ADAMTS20: variants seen among roughly 807,000 people sequenced by gnomAD.
ADAMTS20 encodes the protein ADAM metallopeptidase with thrombospondin type 1 motif 20, also known as A disintegrin and metalloproteinase with thrombospondin motifs 20.
In ADAMTS20, 225 loss-of-function variants were observed where a neutral mutation model predicts 260.1. The observed-to-expected ratio is 0.87, with a 90% CI of 0.78 to 0.97. The LOEUF (loss-of-function observed/expected upper bound fraction) is 0.97, where lower values mean the gene tolerates loss of function less well. Among genes scored for constraint, ADAMTS20 ranks in the 50% least tolerant of loss-of-function variants. ADAMTS20 has a pLI of 0.00. For missense variants in ADAMTS20, 2,400 were observed against 2,337.7 expected (o/e 1.03, Z -0.55); for synonymous variants, 802 against 769.5 (o/e 1.04, Z -0.70).
intron 2 of ADAMTS20, among the ~76,000 whole-genome samples, chr12:43,538,220 T>A (rs1344535029): frequency 1.3e-5 from 2 of 152,068 alleles, no homozygotes; most frequent in African/African-American, 2.4e-5. Flanking sequence ...TTCACTGGGG[T>A]GAGATGATAT....
chr12:43,521,327 T>C (rs1943069013), intron 3 of ADAMTS20, among the ~76,000 whole-genome samples: 1 of 152,208 alleles, frequency 6.6e-6, no homozygotes, highest in South Asian at 2.1e-4. Context: ...GATTAAATTA[T>C]TACATTTAAA....
At chr12:43,496,852 CAT>C (rs1362435150) in intron 4 of ADAMTS20, among the ~76,000 whole-genome samples, 4 of 152,098 alleles carry the variant, frequency 2.6e-5, no homozygotes, top group Non-Finnish European at 5.9e-5. Context: ...CACACACACA[CAT>C]ACACATATTA....
chr12:43,468,146 C>A (rs1484063374), intron 8 of ADAMTS20, among the ~76,000 whole-genome samples: 1 of 152,088 alleles, frequency 6.6e-6, no homozygotes, highest in Admixed American at 6.6e-5. Flanking sequence ...TAAAAAAAAT[C>A]TTTTAGTAAC....
chr12:43,354,180 T>C lies in ADAMTS20; in HGVS notation c.*29A>G. The C allele has an allele frequency of 6.8e-7, 1 of 1,478,616 alleles. No homozygotes were observed. Among genetic ancestry groups the C allele is most frequent in the South Asian group, 1.2e-5 (1 of 82,112 alleles). The allele number at this position is 1,478,616 out of a possible 1,614,324, so 91.6% of individuals were successfully genotyped here. On this transcript the variant is annotated 3_prime_UTR_variant, in exon 39 of 39. Coordinates refer to ENST00000389420, the MANE Select transcript of ADAMTS20 (RefSeq NM_025003.5). ...TGAATATTCCAGAGAATATCCCCTC[T>C]TTAGGGCATACTTCCCCCTTCTAAA...
chr12:43,379,085 G>A (rs1330579709), intron 31 of ADAMTS20, among the ~76,000 whole-genome samples: 1 of 152,122 alleles, frequency 6.6e-6, no homozygotes, highest in Non-Finnish European at 1.5e-5. Flanking sequence ...AGCAGAACAG[G>A]CTTGGATATC....
At chr12:43,502,590 T>C (rs1942784827) in intron 3 of ADAMTS20, among the ~76,000 whole-genome samples, 185 bp from the exon 4 acceptor site, 1 of 152,182 alleles carries the variant, frequency 6.6e-6, no homozygotes, top group Non-Finnish European at 1.5e-5. Flanking sequence ...GATTGCTTTT[T>C]ATAGTAATAA....
intron 31 of ADAMTS20, among the ~76,000 whole-genome samples, chr12:43,380,888 T>C (rs1027974608): frequency 2.6e-5 from 4 of 152,114 alleles, no homozygotes; most frequent in South Asian, 2.1e-4. Flanking sequence ...AAACTGGTCC[T>C]AAAATTCACA....
intron 3 of ADAMTS20, among the ~76,000 whole-genome samples, chr12:43,516,654 A>C (rs1169752783): frequency 6.6e-6 from 1 of 152,130 alleles, no homozygotes; most frequent in Non-Finnish European, 1.5e-5. Flanking sequence ...GTCCTTACAG[A>C]GCTTATATCG....
At chr12:43,530,323 A>C (rs1373456962) in intron 3 of ADAMTS20, among the ~76,000 whole-genome samples, 3 of 152,160 alleles carry the variant, frequency 2.0e-5, no homozygotes, top group South Asian at 2.1e-4. Context: ...GCTGCTCTTG[A>C]ATAGTAGATC....
intron 5 of ADAMTS20, 147 bp downstream of exon 5, chr12:43,493,023 C>T (rs1942626929): frequency 4.7e-6 from 3 of 644,436 alleles, no homozygotes; most frequent in Non-Finnish European, 5.3e-6. Context: ...TCCATCACAA[C>T]AAATAAGGGT....
intron 36 of ADAMTS20, among the ~76,000 whole-genome samples, chr12:43,372,305 A>G (rs1565668982): frequency 1.3e-5 from 2 of 152,174 alleles, no homozygotes; most frequent in African/African-American, 4.8e-5. Flanking sequence ...GTCAAGAAAG[A>G]CACAAAACCA....
intron 14 of ADAMTS20, among the ~76,000 whole-genome samples, chr12:43,447,136 C>G (rs565078184): frequency 6.6e-6 from 1 of 151,704 alleles, no homozygotes; most frequent in Non-Finnish European, 1.5e-5. Flanking sequence ...CTAACTCCTT[C>G]TATGAGGTCA....
intron 8 of ADAMTS20, among the ~76,000 whole-genome samples, chr12:43,467,680 A>C (rs10880502): frequency 2.6e-5 from 4 of 151,854 alleles, no homozygotes; most frequent in Non-Finnish European, 5.9e-5. Context: ...TATTCTGTTC[A>C]TCCTATCCCC....
At chr12:43,441,253 TTCTC>T (rs1941661320) in intron 16 of ADAMTS20, among the ~76,000 whole-genome samples, 1 of 151,964 alleles carries the variant, frequency 6.6e-6, no homozygotes, top group African/African-American at 2.4e-5. Context: ...CCCCTTCTTG[TTCTC>T]TCTTTTTCCC....
intron 18 of ADAMTS20, among the ~76,000 whole-genome samples, chr12:43,438,645 C>A (rs1232346993): frequency 6.6e-6 from 1 of 152,184 alleles, no homozygotes; most frequent in Non-Finnish European, 1.5e-5. Context: ...GTAGACTGTT[C>A]TTCACATTCT....
At chr12:43,398,659 C>T (rs1027489527) in intron 29 of ADAMTS20, among the ~76,000 whole-genome samples, 1 of 152,118 alleles carries the variant, frequency 6.6e-6, no homozygotes, top group African/African-American at 2.4e-5. Context: ...TTATGATTAT[C>T]AGTAGCCTCT....
At chr12:43,492,317 T>G (rs1942612181) in intron 6 of ADAMTS20, among the ~76,000 whole-genome samples, 188 bp downstream of exon 6, 1 of 151,576 alleles carries the variant, frequency 6.6e-6, no homozygotes, top group Admixed American at 6.6e-5. Flanking sequence ...GAGGCGGAGC[T>G]TGCAGTGAGC....
intron 29 of ADAMTS20, among the ~76,000 whole-genome samples, chr12:43,397,271 A>G (rs1940723644): frequency 6.6e-6 from 1 of 152,194 alleles, no homozygotes; most frequent in African/African-American, 2.4e-5. Flanking sequence ...CTGGTCTGAG[A>G]TAATTCTGAA....
intron 4 of ADAMTS20, among the ~76,000 whole-genome samples, chr12:43,495,671 C>G (rs1437147234): frequency 6.6e-6 from 1 of 152,116 alleles, no homozygotes; most frequent in African/African-American, 2.4e-5. Flanking sequence ...CCCTGTGTTG[C>G]TTACTAAATA....
Sources: allele counts gnomAD v4.1 joint callset (sites outside exome capture counted in the v4.1 genomes callset), GRCh38; gene constraint gnomAD v4.1.1; transcripts MANE v1.5; gene names NCBI Gene and HGNC (gene_info 2026-07-23, HGNC 2026-07-21).